SPMIP4: variants seen among roughly 807,000 people sequenced by gnomAD.
SPMIP4 encodes the protein sperm-associated microtubule inner protein 4.
the SPMIP4 span, among the ~76,000 whole-genome samples, chr7:25,134,284 A>AAC: frequency 2.7e-4 from 41 of 150,512 alleles, no homozygotes; most frequent in East Asian, 5.8e-4. Flanking sequence ...ACAAAAACAA[A>AAC]ACACACACAC....
chr7:25,158,752 C>CA, the SPMIP4 span, among the ~76,000 whole-genome samples: 40 of 149,906 alleles, frequency 2.7e-4, no homozygotes, highest in Middle Eastern at 3.4e-3. Flanking sequence ...ACCAAAAATA[C>CA]AAAAAAAATT....
At chr7:25,172,339 G>A in the SPMIP4 span, among the ~76,000 whole-genome samples, 1 of 152,176 alleles carries the variant, frequency 6.6e-6, no homozygotes, top group Non-Finnish European at 1.5e-5. This position sits in a 1 kb window ranked among gnomAD's most constrained non-coding sequence, Gnocchi z 4.2. Flanking sequence ...AGGGAAGAGG[G>A]AGATGAGAGG....
chr7:25,161,620 A>T, the SPMIP4 span, among the ~76,000 whole-genome samples: 4 of 131,226 alleles, frequency 3.0e-5, no homozygotes, highest in Non-Finnish European at 4.8e-5. Context: ...TTATTTATAG[A>T]TTTTTTTTTT....
At chr7:25,134,802 T>C in the SPMIP4 span, 6 of 985,360 alleles carry the variant, frequency 6.1e-6, no homozygotes, top group Non-Finnish European at 7.2e-6. Context: ...CTTCAGACAC[T>C]CCCAATTGCA....
At chr7:25,155,057 G>A in the SPMIP4 span, 1 of 1,614,092 alleles carries the variant, frequency 6.2e-7, no homozygotes, top group Non-Finnish European at 8.5e-7. Context: ...TTGGCACCGT[G>A]GGAGGAAAGG....
At chr7:25,178,316 G>T in the SPMIP4 span, among the ~76,000 whole-genome samples, 1 of 152,134 alleles carries the variant, frequency 6.6e-6, no homozygotes, top group Non-Finnish European at 1.5e-5. Flanking sequence ...TCCTTTGATA[G>T]AACAACTTAT....
At chr7:25,174,394 G>A in the SPMIP4 span, among the ~76,000 whole-genome samples, 2 of 152,076 alleles carry the variant, frequency 1.3e-5, no homozygotes, top group African/African-American at 2.4e-5. The surrounding 1 kb of genome is among the most constrained non-coding windows in gnomAD (Gnocchi z 4.5). Context: ...ATAGAAAATT[G>A]TTTACTTGTT....
At chr7:25,167,571 G>A in the SPMIP4 span, among the ~76,000 whole-genome samples, 1 of 152,002 alleles carries the variant, frequency 6.6e-6, no homozygotes, top group Non-Finnish European at 1.5e-5. Flanking sequence ...GGTCATCGGC[G>A]GCACATGTCC....
the SPMIP4 span, chr7:25,168,537 T>C: frequency 3.2e-6 from 4 of 1,243,938 alleles, no homozygotes; most frequent in Non-Finnish European, 3.3e-6. Context: ...ACAGATTGCA[T>C]AAAATTCCTA....
chr7:25,167,651 A>G, the SPMIP4 span, among the ~76,000 whole-genome samples: 13 of 152,354 alleles, frequency 8.5e-5, no homozygotes, highest in Non-Finnish European at 1.8e-4. Flanking sequence ...CTGCTTTAGA[A>G]CAAAGAACTA....
chr7:25,166,281 G>A, the SPMIP4 span, among the ~76,000 whole-genome samples: 1 of 148,452 alleles, frequency 6.7e-6, no homozygotes, highest in Non-Finnish European at 1.5e-5. Context: ...AGGCTGGAGA[G>A]CAATGGTTAG....
At chr7:25,136,766 G>A in the SPMIP4 span, 5 of 1,611,438 alleles carry the variant, frequency 3.1e-6, no homozygotes, top group South Asian at 3.3e-5. This position sits in a 1 kb window ranked among gnomAD's most constrained non-coding sequence, Gnocchi z 5.7. Context: ...GGTCTGGGAG[G>A]TTTGAAGACA....
chr7:25,153,733 C>T, the SPMIP4 span, among the ~76,000 whole-genome samples: 1 of 152,158 alleles, frequency 6.6e-6, no homozygotes, highest in African/African-American at 2.4e-5. Context: ...GTTTATGTAT[C>T]ATACTTATCA....
At chr7:25,154,657 T>A in the SPMIP4 span, among the ~76,000 whole-genome samples, 1 of 152,150 alleles carries the variant, frequency 6.6e-6, no homozygotes, top group Non-Finnish European at 1.5e-5. Flanking sequence ...CTTGTGCTGA[T>A]CACCTGGGCT....
chr7:25,151,573 C>G, the SPMIP4 span: 1 of 1,425,788 alleles, frequency 7.0e-7, no homozygotes, highest in Non-Finnish European at 9.8e-7. Context: ...TTCCTTTAAA[C>G]ACACATTTAA....
At chr7:25,141,787 G>A in the SPMIP4 span, among the ~76,000 whole-genome samples, 1 of 151,802 alleles carries the variant, frequency 6.6e-6, no homozygotes, top group Admixed American at 6.6e-5. Flanking sequence ...GTCTAGGCTG[G>A]AGCGCAGTGG....
the SPMIP4 span, among the ~76,000 whole-genome samples, chr7:25,164,284 A>G: frequency 6.6e-6 from 1 of 152,190 alleles, no homozygotes; most frequent in Admixed American, 6.5e-5. Flanking sequence ...GGGTACAACA[A>G]TGGTTCCAAT....
At chr7:25,128,966 C>T in the SPMIP4 span, among the ~76,000 whole-genome samples, 3 of 152,180 alleles carry the variant, frequency 2.0e-5, no homozygotes, top group Non-Finnish European at 4.4e-5. The surrounding 1 kb of genome is among the most constrained non-coding windows in gnomAD (Gnocchi z 4.5). Flanking sequence ...GGGGGCCTCC[C>T]CCTAGTGCAC....
chr7:25,169,295 A>C, the SPMIP4 span, among the ~76,000 whole-genome samples: 1 of 152,132 alleles, frequency 6.6e-6, no homozygotes, highest in African/African-American at 2.4e-5. Flanking sequence ...ATTCACAGAT[A>C]AGTGCGAGCA....
Sources: gnomAD v4.1 joint callset for allele counts (sites outside exome capture counted in the v4.1 genomes callset) on GRCh38, gnomAD v4.1.1 for gene constraint, Gnocchi (gnomAD v3.1) non-coding constraint, MANE v1.5 for transcripts, NCBI Gene and HGNC (gene_info 2026-07-23, HGNC 2026-07-21) for gene names.